MECOM: variants seen among roughly 807,000 people sequenced by gnomAD.
MECOM encodes MDS1 and EVI1 complex locus.
Under a neutral mutation model 116.3 loss-of-function variants are expected in MECOM, and 13 were observed. The observed-to-expected ratio is 0.11, with a 90% CI of 0.07 to 0.18. The LOEUF is 0.18. Among genes scored for constraint, MECOM ranks in the 10% least tolerant of loss-of-function variants. The pLI is 1.00. For missense variants in MECOM, 1,299 were observed against 1,509.0 expected (o/e 0.86, Z 2.31); for synonymous variants, 528 against 535.2 (o/e 0.99, Z 0.19).
Position 169,491,483 on chromosome 3 carries a change from T to C in MECOM, c.38-109959A>G, listed in dbSNP as rs192232510. Among the ~76,000 whole-genome samples, 52 of 152,306 alleles carry C rather than the reference T, an allele frequency of 3.4e-4. 1 individual carries two copies. Among genetic ancestry groups the C allele is most frequent in the African/African-American group, 1.2e-3 (49 of 41,588 alleles). ...CATTATTTCACAAAAGAAAAGGCAC[T>C]ATAAAACAGAAAAATAAGAATAATA... On this transcript the variant is annotated intron_variant, in intron 1 of 16. Coordinates refer to ENST00000651503, the MANE Select transcript of MECOM (RefSeq NM_004991.4).
intron 1 of MECOM, among the ~76,000 whole-genome samples, chr3:169,581,733 G>A (rs1375155928): frequency 6.6e-6 from 1 of 152,162 alleles, no homozygotes; most frequent in Admixed American, 6.5e-5. Flanking sequence ...AGAGCTATGC[G>A]ATGTGTTAGA....
intron 1 of MECOM, among the ~76,000 whole-genome samples, chr3:169,636,995 C>T (rs1423730686): frequency 6.6e-6 from 1 of 152,138 alleles, no homozygotes; most frequent in African/African-American, 2.4e-5. Flanking sequence ...CTCCTCTTCT[C>T]AAATCTGGGT....
chr3:169,372,264 C>A (rs994871597), intron 2 of MECOM, among the ~76,000 whole-genome samples: 5 of 152,048 alleles, frequency 3.3e-5, no homozygotes, highest in African/African-American at 1.2e-4. Context: ...AAAGCCGGGT[C>A]TGGCACATGA....
intron 1 of MECOM, among the ~76,000 whole-genome samples, chr3:169,395,911 G>T (rs1734960975): frequency 2.0e-5 from 3 of 151,842 alleles, no homozygotes; most frequent in Admixed American, 2.0e-4. Flanking sequence ...ACATAGCAAA[G>T]GTTCAATAAA....
chr3:169,628,924 C>A (rs535664942), intron 1 of MECOM, among the ~76,000 whole-genome samples: 2 of 152,060 alleles, frequency 1.3e-5, no homozygotes, highest in Non-Finnish European at 2.9e-5. Flanking sequence ...CATTTTTGGC[C>A]ACTCCACTTT....
intron 4 of MECOM, among the ~76,000 whole-genome samples, chr3:169,128,381 G>A (rs1412433691): frequency 6.6e-6 from 1 of 152,150 alleles, no homozygotes; most frequent in East Asian, 1.9e-4. Flanking sequence ...CCTGTATGTG[G>A]ATTACTGACA....
intron 1 of MECOM, among the ~76,000 whole-genome samples, chr3:169,524,201 G>C (rs1757714562): frequency 1.3e-5 from 2 of 151,942 alleles, no homozygotes; most frequent in Admixed American, 6.6e-5. Context: ...TAGGAATGTG[G>C]AAACTAAACT....
intron 1 of MECOM, among the ~76,000 whole-genome samples, chr3:169,631,016 A>G (rs1237992750): frequency 9.2e-5 from 14 of 152,246 alleles, no homozygotes; most frequent in Non-Finnish European, 1.8e-4. Context: ...TGAGGGAAGC[A>G]TATTGATGTC....
chr3:169,414,501 C>T (rs909374430), intron 1 of MECOM, among the ~76,000 whole-genome samples: 1 of 152,104 alleles, frequency 6.6e-6, no homozygotes, highest in Non-Finnish European at 1.5e-5. Flanking sequence ...CAACTCCTCA[C>T]CAGCAAGAGA....
At chr3:169,145,696 A>T (rs930648052) in intron 2 of MECOM, 73 of 223,052 alleles carry the variant, frequency 3.3e-4, no homozygotes, top group African/African-American at 1.6e-3. Context: ...AGAAGCATCC[A>T]TCCCCTTAGC....
At chr3:169,138,416 T>C (rs916335986) in intron 3 of MECOM, among the ~76,000 whole-genome samples, 1 of 152,106 alleles carries the variant, frequency 6.6e-6, no homozygotes, top group East Asian at 1.9e-4. Context: ...TGTTTTATGA[T>C]GTAAAAATCA....
chr3:169,410,523 C>T (rs1440362552), intron 1 of MECOM, among the ~76,000 whole-genome samples: 1 of 152,096 alleles, frequency 6.6e-6, no homozygotes, highest in Non-Finnish European at 1.5e-5. Flanking sequence ...TCAACTTTTC[C>T]CCCTGGAGAC....
chr3:169,351,601 T>C (rs1726355238), intron 2 of MECOM, among the ~76,000 whole-genome samples: 1 of 151,858 alleles, frequency 6.6e-6, no homozygotes, highest in Non-Finnish European at 1.5e-5. Context: ...CTGATAACGG[T>C]CATTTTTCTT....
At chr3:169,565,045 C>A (rs1370863164) in intron 1 of MECOM, among the ~76,000 whole-genome samples, 1 of 152,158 alleles carries the variant, frequency 6.6e-6, no homozygotes, top group Admixed American at 6.5e-5. Flanking sequence ...CTCATACAAT[C>A]CTTACAGCCA....
chr3:169,197,061 G>A (rs1052664172), intron 2 of MECOM, among the ~76,000 whole-genome samples: 2 of 151,894 alleles, frequency 1.3e-5, no homozygotes, highest in African/African-American at 4.8e-5. Context: ...ACTAATGCAG[G>A]AACAGAAAAC....
At chr3:169,089,850 A>G (rs1719081090) in intron 15 of MECOM, 150 bp downstream of exon 15, 1 of 1,234,650 alleles carries the variant, frequency 8.1e-7, no homozygotes, top group East Asian at 2.6e-5. Flanking sequence ...CCTTATTTTC[A>G]TCTATTTAAA....
At chr3:169,533,489 G>A (rs911223254) in intron 1 of MECOM, among the ~76,000 whole-genome samples, 21 of 151,766 alleles carry the variant, frequency 1.4e-4, no homozygotes, top group African/African-American at 5.1e-4. Flanking sequence ...GAAATGCATG[G>A]GTCTATTTGG....
chr3:169,229,150 A>G (rs1420336825), intron 2 of MECOM, among the ~76,000 whole-genome samples: 2 of 152,294 alleles, frequency 1.3e-5, no homozygotes, highest in Non-Finnish European at 2.9e-5. Flanking sequence ...GGGGTTCCAT[A>G]AAAATCTGCT....
At chr3:169,187,203 C>T (rs1025359614) in intron 2 of MECOM, among the ~76,000 whole-genome samples, 2 of 151,960 alleles carry the variant, frequency 1.3e-5, no homozygotes, top group Non-Finnish European at 2.9e-5. Flanking sequence ...CCTTTCTCAC[C>T]CTTCAAAGAA....
Sources: allele counts gnomAD v4.1 joint callset (sites outside exome capture counted in the v4.1 genomes callset), GRCh38; gene constraint gnomAD v4.1.1; transcripts MANE v1.5; gene names NCBI Gene and HGNC (gene_info 2026-07-23, HGNC 2026-07-21).